The following RBFOX1 variants were observed in gnomAD, a reference collection of about 807,000 sequenced individuals.
The protein encoded by RBFOX1 is RNA binding protein fox-1 homolog 1.
A neutral mutation model predicts 57.7 loss-of-function variants in RBFOX1; 8 were observed. The observed-to-expected ratio is 0.14, with a 90% CI of 0.08 to 0.25. The LOEUF is 0.25. Ranked by LOEUF, RBFOX1 falls within the 10% of genes least tolerant of loss-of-function variation. RBFOX1 has a pLI of 1.00. For missense variants in RBFOX1, 611 were observed against 548.5 expected, an observed-to-expected ratio of 1.11 and a Z score of -1.14; for synonymous variants, 326 against 222.4, an observed-to-expected ratio of 1.47 and a Z score of -4.15.
At chr16:5,320,200 C>G (rs1202457674) in intron 1 of RBFOX1, among the ~76,000 whole-genome samples, 1 of 152,162 alleles carries the variant, frequency 6.6e-6, no homozygotes, top group Non-Finnish European at 1.5e-5. Context: ...AGAGAAAAAT[C>G]ACTTAGCTCA....
chr16:6,176,960 C>T (rs1005002688), intron 1 of RBFOX1, among the ~76,000 whole-genome samples: 3 of 152,128 alleles, frequency 2.0e-5, no homozygotes, highest in African/African-American at 7.2e-5. Flanking sequence ...TTCAACCTGT[C>T]TTGGTTGTTG....
At chr16:6,752,757 C>A (rs964288570) in intron 3 of RBFOX1, among the ~76,000 whole-genome samples, 3 of 152,050 alleles carry the variant, frequency 2.0e-5, no homozygotes, top group Non-Finnish European at 4.4e-5. Flanking sequence ...TCCCTTACTG[C>A]TTCTTCACTT....
intron 1 of RBFOX1, among the ~76,000 whole-genome samples, chr16:6,296,815 C>A (rs11077025): frequency 3.3e-5 from 5 of 152,138 alleles, no homozygotes; most frequent in African/African-American, 4.8e-5. Context: ...CATGTGTTAC[C>A]ACACCGAGGT....
At chr16:7,252,786 C>G (rs1370231469) in intron 4 of RBFOX1, among the ~76,000 whole-genome samples, 3 of 150,124 alleles carry the variant, frequency 2.0e-5, no homozygotes, top group Non-Finnish European at 4.4e-5. Flanking sequence ...TTAGGTATCT[C>G]TGGGCTAATG....
At chr16:6,268,174 G>A (rs183740621) in intron 1 of RBFOX1, among the ~76,000 whole-genome samples, 37 of 152,306 alleles carry the variant, frequency 2.4e-4, no homozygotes, top group African/African-American at 6.0e-4. Context: ...GTAGCAGAAC[G>A]TTATGCCTTT....
intron 2 of RBFOX1, among the ~76,000 whole-genome samples, chr16:6,559,025 C>G (rs368504238): frequency 6.6e-6 from 1 of 152,084 alleles, no homozygotes. Context: ...ACCCCTAATG[C>G]AACTCCAACT....
chr16:6,752,080 G>A (rs1304079785), intron 3 of RBFOX1, among the ~76,000 whole-genome samples: 1 of 152,018 alleles, frequency 6.6e-6, no homozygotes, highest in Admixed American at 6.6e-5. Context: ...CTCCTGCTGG[G>A]CGTCCATCTA....
At position 7,283,304 on chromosome 16, in the gene RBFOX1, C is replaced by G. The variant is rs1176497290; in HGVS notation, c.27+231206C>G. On this transcript the variant is annotated intron_variant, in intron 4 of 15. Transcript: ENST00000550418. ...TTTCCATGGCCTTCCTCCCTGGTCC[C>G]CCAATCTGCCTCTGCAGTCTCTATA... Among the ~76,000 whole-genome samples, 4 of 151,844 alleles carry G rather than the reference C, an allele frequency of 2.6e-5. No individual in the cohort carries two copies. In the East Asian group the frequency reaches 5.9e-4, roughly 22 times the overall value.
At chr16:6,399,250 C>G (rs989368642) in intron 2 of RBFOX1, among the ~76,000 whole-genome samples, 1 of 152,236 alleles carries the variant, frequency 6.6e-6, no homozygotes, top group Admixed American at 6.5e-5. Flanking sequence ...CCTCCTAGGC[C>G]TCTGGTCCTG....
intron 3 of RBFOX1, among the ~76,000 whole-genome samples, chr16:5,865,672 T>G (rs1457878653): frequency 6.6e-6 from 1 of 152,204 alleles, no homozygotes; most frequent in Non-Finnish European, 1.5e-5. Context: ...AAGTCCTTTG[T>G]TGGATTCACA....
intron 3 of RBFOX1, among the ~76,000 whole-genome samples, chr16:5,665,949 G>T (rs998372038): frequency 6.6e-6 from 1 of 152,240 alleles, no homozygotes; most frequent in Non-Finnish European, 1.5e-5. Flanking sequence ...GAGAGAAGCA[G>T]AGCTGACGAA....
chr16:5,362,680 A>G (rs1596664074), intron 1 of RBFOX1, among the ~76,000 whole-genome samples: 1 of 152,114 alleles, frequency 6.6e-6, no homozygotes, highest in East Asian at 1.9e-4. Context: ...GACACTTTAT[A>G]CCCATTGAAT....
In RBFOX1 at chr16:7,022,236, A is replaced by T. The variant is rs2039520071; in HGVS notation, c.-15-29821A>T. Among the ~76,000 whole-genome samples, 3 of 150,682 alleles carry T rather than the reference A, an allele frequency of 2.0e-5. No homozygotes were observed. The South Asian group carries it at 6.4e-4, about 32-fold the overall frequency. On this transcript the variant is annotated intron_variant, in intron 3 of 15. Transcript: ENST00000550418. ...ACCCCTAATTTTTGTATTCTTTGGTAGAGACGGGATTTCACCATGTTGGCC... is the reference window on the plus strand; with the variant it reads ...ACCCCTAATTTTTGTATTCTTTGGTTGAGACGGGATTTCACCATGTTGGCC...
intron 2 of RBFOX1, among the ~76,000 whole-genome samples, chr16:6,492,888 T>G (rs763336640): frequency 6.6e-6 from 1 of 152,192 alleles, no homozygotes; most frequent in Admixed American, 6.5e-5. Context: ...TGCAATTGTT[T>G]TACATAGAGG....
At chr16:5,810,558 T>C (rs2055385595) in intron 3 of RBFOX1, among the ~76,000 whole-genome samples, 1 of 152,184 alleles carries the variant, frequency 6.6e-6, no homozygotes, top group South Asian at 2.1e-4. Context: ...CCCATGGTGC[T>C]GGGTATATCT....
In RBFOX1 at chr16:5,362,668, C is replaced by G. The variant is rs111911813; in HGVS notation, c.220-104548C>G. ...TGAGCCACCGCGCCAGGCCACATCA[C>G]TGACACTTTATACCCATTGAATAGC... On this transcript the variant is annotated intron_variant, in intron 1 of 2. Coordinates refer to the RBFOX1 transcript ENST00000585867. Among the ~76,000 whole-genome samples, 1,463 of 152,176 alleles carry G rather than the reference C, an allele frequency of 9.6e-3. 31 individuals are homozygous for G. The highest frequency in any genetic ancestry group is 0.034 in the African/African-American group (1,417 of 41,544).
chr16:6,920,357 G>T (rs75106288), intron 3 of RBFOX1, among the ~76,000 whole-genome samples: 1 of 152,140 alleles, frequency 6.6e-6, no homozygotes, highest in Admixed American at 6.6e-5. Context: ...ATATTGTCAT[G>T]ATACAATCTC....
At chr16:5,388,927 C>T (rs1454845424) in intron 1 of RBFOX1, among the ~76,000 whole-genome samples, 1 of 150,718 alleles carries the variant, frequency 6.6e-6, no homozygotes, top group East Asian at 2.0e-4. Context: ...CGCGGTGGCT[C>T]ACACCTGTAA....
chr16:7,189,203 A>T (rs919759509), intron 4 of RBFOX1, among the ~76,000 whole-genome samples: 4 of 151,966 alleles, frequency 2.6e-5, no homozygotes, highest in Non-Finnish European at 1.5e-5. Context: ...ACGTAGGTAG[A>T]TCATGAGGTC....
Sources: gnomAD v4.1 joint callset for allele counts (sites outside exome capture counted in the v4.1 genomes callset) on GRCh38, gnomAD v4.1.1 for gene constraint, MANE v1.5 for transcripts, NCBI Gene and HGNC (gene_info 2026-07-23, HGNC 2026-07-21) for gene names.